TSPAN15: variants seen among roughly 807,000 people sequenced by gnomAD.
TSPAN15 encodes the protein tetraspanin 15.
TSPAN15 carries 20 observed loss-of-function variants against 34.5 expected under a neutral mutation model. The observed-to-expected ratio is 0.58, with a 90% confidence interval of 0.41 to 0.84. TSPAN15 has a LOEUF of 0.84. Ranked by LOEUF, TSPAN15 falls within the 40% of genes least tolerant of loss-of-function variation. The probability of loss-of-function intolerance (pLI) is 0.00; values close to 1 mark genes in which losing one functional copy is unlikely to be tolerated. For synonymous variants in TSPAN15, 155 were observed against 153.9 expected (o/e 1.01, Z -0.05); for missense variants, 313 against 386.1 (o/e 0.81, Z 1.59).
Position 69,507,555 on chromosome 10 carries a change from T to A in TSPAN15, c.*577T>A. ...TGTAACATTCATTTTTTTGTACAGATAACAGGAGTTTCTGACTAATCAAAG... is the reference window on the plus strand; with the variant it reads ...TGTAACATTCATTTTTTTGTACAGAAAACAGGAGTTTCTGACTAATCAAAG... On this transcript the variant is annotated 3_prime_UTR_variant, in exon 8 of 8. Coordinates refer to ENST00000373290, the MANE Select transcript of TSPAN15 (RefSeq NM_012339.5). 1 of 1,304,202 alleles carries A rather than the reference T, an allele frequency of 7.7e-7. No individual in the cohort carries two copies. The highest frequency in any genetic ancestry group is 1.0e-6 in the Non-Finnish European group (1 of 988,948). 80.8% of individuals were successfully genotyped at this position (1,304,202 alleles called of 1,614,324 possible).
chr10:69,530,845 T>C, the TSPAN15 span, among the ~76,000 whole-genome samples: 3 of 121,068 alleles, frequency 2.5e-5, no homozygotes, highest in African/African-American at 9.3e-5. Flanking sequence ...TATATATATA[T>C]ATATATATAT....
At chr10:69,483,108 C>A (rs1589640019) in intron 1 of TSPAN15, among the ~76,000 whole-genome samples, 1 of 152,150 alleles carries the variant, frequency 6.6e-6, no homozygotes, top group Non-Finnish European at 1.5e-5. Context: ...CCTGCCTCAG[C>A]CTCCCGAATA....
intron 3 of TSPAN15, among the ~76,000 whole-genome samples, chr10:69,489,137 G>A (rs2082207): frequency 0.073 from 11,135 of 152,112 alleles, 1,335 homozygotes; most frequent in African/African-American, 0.25. Context: ...TTCCCAGAGT[G>A]TTAATATCAA....
At chr10:69,548,102 T>A in the TSPAN15 span, among the ~76,000 whole-genome samples, 7 of 151,904 alleles carry the variant, frequency 4.6e-5, no homozygotes, top group African/African-American at 1.7e-4. Flanking sequence ...CCACATGGAA[T>A]TGGGGAGGAG....
the TSPAN15 span, chr10:69,523,280 A>C: frequency 5.1e-4 from 197 of 383,270 alleles, 27 homozygotes; most frequent in East Asian, 7.9e-3. Context: ...AATTGCCCCC[A>C]AAACCCAGTA....
At chr10:69,456,232 C>T (rs1287295260) in intron 1 of TSPAN15, among the ~76,000 whole-genome samples, 2 of 151,878 alleles carry the variant, frequency 1.3e-5, no homozygotes, top group African/African-American at 4.8e-5. Context: ...GGACTACAGG[C>T]GCCTACTACC....
rs1004282497 is a variant in TSPAN15 at position 69,482,415 on chromosome 10, T to G, written c.97-1276T>G. On this transcript the variant is annotated intron_variant, in intron 1 of 7. Coordinates refer to ENST00000373290, the MANE Select transcript of TSPAN15 (RefSeq NM_012339.5). ...TGTTCTGTGACAGCATGTCCACTAT[T>G]AGAAAAGTTGAGTGAGGGATTCTAC... 2.0e-5 allele frequency among the ~76,000 whole-genome samples: 3 copies of G among 152,162 alleles called. No individual in the cohort carries two copies. In the South Asian group the frequency reaches 6.2e-4, roughly 32 times the overall value.
chr10:69,495,528 G>GAA, intron 3 of TSPAN15, 66 bp from the exon 4 acceptor site: 1 of 1,246,562 alleles, frequency 8.0e-7, no homozygotes, highest in South Asian at 1.2e-5. Flanking sequence ...CAGGCTTCTG[G>GAA]AAAACCTTGG....
At chr10:69,517,432 C>T in the TSPAN15 span, among the ~76,000 whole-genome samples, 1 of 152,356 alleles carries the variant, frequency 6.6e-6, no homozygotes, top group South Asian at 2.1e-4. Flanking sequence ...TATGACTGGC[C>T]TTAGCTGCCC....
At chr10:69,496,337 A>ATAG (rs1261857848) in intron 4 of TSPAN15, among the ~76,000 whole-genome samples, 1 of 146,576 alleles carries the variant, frequency 6.8e-6, no homozygotes, top group Non-Finnish European at 1.5e-5. Flanking sequence ...AATAATAATA[A>ATAG]TAATAATAAT....
intron 1 of TSPAN15, among the ~76,000 whole-genome samples, chr10:69,465,411 A>G (rs752549912): frequency 3.9e-5 from 6 of 152,186 alleles, no homozygotes; most frequent in Non-Finnish European, 7.3e-5. Flanking sequence ...CCGGCCTCAC[A>G]TGGAATGAAA....
intron 5 of TSPAN15, among the ~76,000 whole-genome samples, chr10:69,503,207 G>A (rs903639782): frequency 2.6e-5 from 4 of 152,244 alleles, no homozygotes; most frequent in East Asian, 1.9e-4. Context: ...CAGCTAAACC[G>A]AGGGAGGTCG....
intron 1 of TSPAN15, among the ~76,000 whole-genome samples, chr10:69,472,242 G>T (rs1452253098): frequency 1.3e-5 from 2 of 152,082 alleles, no homozygotes; most frequent in Non-Finnish European, 1.5e-5. Context: ...CTGACCTGCT[G>T]TTCCTGTGGT....
chr10:69,535,958 G>C, the TSPAN15 span, among the ~76,000 whole-genome samples: 10 of 152,174 alleles, frequency 6.6e-5, no homozygotes, highest in Non-Finnish European at 1.5e-4. Flanking sequence ...CTAAAAACCA[G>C]ACCCAGAGGA....
chr10:69,462,155 GTTTTTTTTT>G (rs755068937), intron 1 of TSPAN15, among the ~76,000 whole-genome samples: 10 of 82,712 alleles, frequency 1.2e-4, no homozygotes, highest in Admixed American at 4.2e-4. Flanking sequence ...TAATTTTAAA[GTTTTTTTTT>G]TTTTTTTTTT....
the TSPAN15 span, among the ~76,000 whole-genome samples, chr10:69,536,020 G>A: frequency 6.6e-6 from 1 of 152,224 alleles, no homozygotes; most frequent in Non-Finnish European, 1.5e-5. Context: ...TACTTAGTAG[G>A]AGGGAAGGCC....
At chr10:69,537,765 T>C in the TSPAN15 span, among the ~76,000 whole-genome samples, 1 of 152,208 alleles carries the variant, frequency 6.6e-6, no homozygotes, top group Admixed American at 6.5e-5. Flanking sequence ...ATTCCGTCCC[T>C]AACAGGAAGC....
the TSPAN15 span, among the ~76,000 whole-genome samples, chr10:69,544,545 C>T: frequency 6.6e-6 from 1 of 152,244 alleles, no homozygotes; most frequent in Non-Finnish European, 1.5e-5. Context: ...TCCAGGTCTT[C>T]CACACCTGCC....
intron 1 of TSPAN15, among the ~76,000 whole-genome samples, chr10:69,460,192 T>C (rs1841220238): frequency 6.6e-6 from 1 of 151,846 alleles, no homozygotes; most frequent in Admixed American, 6.6e-5. Flanking sequence ...AGGGTGTGCA[T>C]GTGGTCTTTT....
Sources: allele counts gnomAD v4.1 joint callset (sites outside exome capture counted in the v4.1 genomes callset), GRCh38; gene constraint gnomAD v4.1.1; transcripts MANE v1.5; gene names NCBI Gene and HGNC (gene_info 2026-07-23, HGNC 2026-07-21).